KCNQ2: variants seen among roughly 807,000 people sequenced by gnomAD.
The protein encoded by KCNQ2 is potassium voltage-gated channel subfamily Q member 2, also known as potassium voltage-gated channel subfamily KQT member 2.
KCNQ2 carries 14 observed loss-of-function variants against 84.8 expected under a neutral mutation model. That is an observed-to-expected ratio of 0.17 (90% confidence interval 0.11 to 0.26). The LOEUF is 0.26. Among genes scored for constraint, KCNQ2 ranks in the 10% least tolerant of loss-of-function variants. The pLI, the probability that KCNQ2 is intolerant of heterozygous loss-of-function variation, is 1.00. For synonymous variants in KCNQ2, 599 were observed against 554.1 expected, an observed-to-expected ratio of 1.08 and a Z score of -1.14; for missense variants, 788 against 1,254.0, an observed-to-expected ratio of 0.63 and a Z score of 5.61.
chr20:63,406,406 G>A lies in KCNQ2; in HGVS notation c.*238C>T, dbSNP rs2079933548. 6 of 569,258 alleles carry A rather than the reference G, an allele frequency of 1.1e-5. No homozygotes were observed. Among genetic ancestry groups the A allele is most frequent in the South Asian group, 8.7e-5 (4 of 45,982 alleles). The allele number at this position is 569,258 out of a possible 1,614,324, so 35.3% of individuals were successfully genotyped here. ...GGACAGGGCAGCCTTGCTCCTGCAC[G>A]CTGCTCCTGGAGCCACAGGGCCCTG... On this transcript the variant is annotated 3_prime_UTR_variant, in exon 17 of 17. Coordinates refer to ENST00000359125, the MANE Select transcript of KCNQ2 (RefSeq NM_172107.4).
chr20:63,425,676 C>T lies in KCNQ2; in HGVS notation c.1218-1470G>A, dbSNP rs1317013519. ...CAGAGGTTGCAGTAAGCTGTGATTG[C>T]GCCACTGCACTCCAGCCTGAGTGAC... On this transcript the variant is annotated intron_variant, in intron 10 of 16. Transcript: ENST00000359125. This position sits in a 1 kb window ranked among gnomAD's most constrained non-coding sequence, Gnocchi z 5.5. 5.3e-5 allele frequency among the ~76,000 whole-genome samples: 8 copies of T among 152,006 alleles called. No homozygotes were observed. The highest frequency in any genetic ancestry group is 2.1e-4 in the South Asian group (1 of 4,814).
chr20:63,412,165 G>A (rs1056250160), intron 15 of KCNQ2: 9 of 391,330 alleles, frequency 2.3e-5, no homozygotes, highest in Admixed American at 8.9e-5. Flanking sequence ...GGAGGTGCCC[G>A]CAGCAGGAGC....
intron 1 of KCNQ2, among the ~76,000 whole-genome samples, chr20:63,455,531 A>G (rs1188851653): frequency 1.3e-5 from 2 of 152,168 alleles, no homozygotes; most frequent in African/African-American, 4.8e-5. Context: ...CAGACTGAGC[A>G]TGGAGCAGCG....
rs369265451 is a variant in KCNQ2 at position 63,438,745 on chromosome 20, C to T, written c.928-25G>A. 10 of 1,603,978 alleles carry T rather than the reference C, an allele frequency of 6.2e-6. No individual in the cohort carries two copies. The highest frequency in any genetic ancestry group is 2.7e-5 in the African/African-American group (2 of 74,714). Reference sequence around the variant, plus strand: ...CCTGCAATTCATCAGGGTCAGGTCACACCCCAGGGACCCCCCACACCCCAA... The same window carrying T: ...CCTGCAATTCATCAGGGTCAGGTCATACCCCAGGGACCCCCCACACCCCAA... On this transcript the variant is annotated intron_variant, in intron 6 of 16. Transcript: ENST00000359125. The surrounding 1 kb of genome is among the most constrained non-coding windows in gnomAD (Gnocchi z 5.1).
chr20:63,415,787 G>C (rs2080279333), intron 12 of KCNQ2, among the ~76,000 whole-genome samples: 1 of 152,162 alleles, frequency 6.6e-6, no homozygotes, highest in Non-Finnish European at 1.5e-5. Flanking sequence ...GGGCACCTCT[G>C]TCTGCCCCGG....
chr20:63,449,750 G>T (rs1242606038), intron 1 of KCNQ2, among the ~76,000 whole-genome samples: 2 of 150,768 alleles, frequency 1.3e-5, no homozygotes, highest in African/African-American at 2.4e-5. Context: ...GGAAGCCCCA[G>T]TGTCTGCGGC....
chr20:63,453,186 C>CT (rs1360942455), intron 1 of KCNQ2, among the ~76,000 whole-genome samples: 1 of 152,216 alleles, frequency 6.6e-6, no homozygotes, highest in Non-Finnish European at 1.5e-5. Flanking sequence ...GACACCAGTC[C>CT]TCCGCCCGCC....
intron 12 of KCNQ2, among the ~76,000 whole-genome samples, chr20:63,418,740 C>T (rs1332980104): frequency 1.3e-5 from 2 of 152,224 alleles, no homozygotes; most frequent in Non-Finnish European, 2.9e-5. Flanking sequence ...ACAGTCTCCC[C>T]GCAAGCACCA....
chr20:63,453,948 C>T (rs1006762073), intron 1 of KCNQ2, among the ~76,000 whole-genome samples: 4 of 152,104 alleles, frequency 2.6e-5, no homozygotes, highest in African/African-American at 7.2e-5. Context: ...GGCAGCTCCT[C>T]GGGCTGCAGG....
rs1323866017 is a variant in KCNQ2 at position 63,406,348 on chromosome 20, C to G, written c.*296G>C. 4.9e-6 allele frequency: 2 copies of G among 408,466 alleles called. No individual in the cohort carries two copies. Among genetic ancestry groups the G allele is most frequent in the Non-Finnish European group, 8.9e-6 (2 of 224,314 alleles). The allele number at this position is 408,466 out of a possible 1,614,324, so 25.3% of individuals were successfully genotyped here. A position where few individuals can be genotyped will look rare whatever the true frequency, so the allele number is the denominator to read the frequency against. On this transcript the variant is annotated 3_prime_UTR_variant, in exon 17 of 17. Coordinates refer to ENST00000359125, the MANE Select transcript of KCNQ2 (RefSeq NM_172107.4). ...TCATCACTCCCGCCCCTCCTCACAC[C>G]GGGCTGATGTCGGCCGCGGCCCTGA...
chr20:63,452,936 C>T (rs976780146), intron 1 of KCNQ2, among the ~76,000 whole-genome samples: 9 of 152,284 alleles, frequency 5.9e-5, no homozygotes, highest in African/African-American at 2.2e-4. Flanking sequence ...GCGGGGGCTT[C>T]CAGGAAGAAT....
chr20:63,411,549 C>T (rs945833458), intron 15 of KCNQ2, among the ~76,000 whole-genome samples: 4 of 152,206 alleles, frequency 2.6e-5, no homozygotes, highest in East Asian at 3.8e-4. Flanking sequence ...GGGCACTTGT[C>T]GAGAGGAGCA....
chr20:63,437,606 G>A (rs1027257680), intron 7 of KCNQ2, among the ~76,000 whole-genome samples: 1 of 152,214 alleles, frequency 6.6e-6, no homozygotes, highest in Admixed American at 6.5e-5. Flanking sequence ...CTTCTTATAA[G>A]GATGCATGTG....
chr20:63,441,256 A>G (rs1027463054), intron 5 of KCNQ2, among the ~76,000 whole-genome samples: 3 of 150,020 alleles, frequency 2.0e-5, no homozygotes, highest in Admixed American at 6.6e-5. Flanking sequence ...AGAAAGGGAA[A>G]CTGGGGGTAG....
chr20:63,464,985 C>T (rs2082046192), intron 1 of KCNQ2, among the ~76,000 whole-genome samples: 1 of 152,258 alleles, frequency 6.6e-6, no homozygotes, highest in South Asian at 2.1e-4. Context: ...CACACAAGCT[C>T]ACCAAGGGCA....
At chr20:63,442,341 G>A (rs2081184729) in intron 5 of KCNQ2, 65 bp downstream of exon 5, 2 of 1,610,562 alleles carry the variant, frequency 1.2e-6, no homozygotes, top group Non-Finnish European at 1.7e-6. Context: ...GTGAGAGCCT[G>A]GTCCCAGCAC....
intron 1 of KCNQ2, among the ~76,000 whole-genome samples, chr20:63,453,305 C>G (rs1017449599): frequency 6.6e-6 from 1 of 152,244 alleles, no homozygotes; most frequent in South Asian, 2.1e-4. Flanking sequence ...GCCAGGACCC[C>G]GAAGCTCCCG....
chr20:63,426,038 C>T (rs994118738), intron 10 of KCNQ2, among the ~76,000 whole-genome samples: 15 of 152,212 alleles, frequency 9.9e-5, no homozygotes, highest in Admixed American at 3.3e-4. Flanking sequence ...CCGGCCTCTG[C>T]GGGAGCCTCG....
chr20:63,472,518 C>T lies in KCNQ2; in HGVS notation c.-55G>A. 7.5e-7 allele frequency: 1 copy of T among 1,337,806 alleles called. No individual in the cohort carries two copies. The highest frequency in any genetic ancestry group is 3.2e-5 in the East Asian group (1 of 31,564). The allele number at this position is 1,337,806 out of a possible 1,614,324, so 82.9% of individuals were successfully genotyped here. ...GCTCAGGCTCAGCGGGGGCGGAGCG[C>T]GGGGGGCGGCGCGGGCCCCAGCCCA... On this transcript the variant is annotated 5_prime_UTR_variant, in exon 1 of 17. Transcript: ENST00000359125.
Sources: gnomAD v4.1 joint callset for allele counts (sites outside exome capture counted in the v4.1 genomes callset) on GRCh38, gnomAD v4.1.1 for gene constraint, Gnocchi (gnomAD v3.1) non-coding constraint, MANE v1.5 for transcripts, NCBI Gene and HGNC (gene_info 2026-07-23, HGNC 2026-07-21) for gene names.